GRM7: variants seen among roughly 807,000 people sequenced by gnomAD.
GRM7 encodes metabotropic glutamate receptor 7.
GRM7 carries 35 observed loss-of-function variants against 84.5 expected under a neutral mutation model. The ratio of observed to expected loss-of-function variants is 0.41; its 90% confidence interval spans 0.32 to 0.55. The LOEUF (loss-of-function observed/expected upper bound fraction) is 0.55, where lower values mean the gene tolerates loss of function less well. GRM7 is among the 20% of genes least tolerant of loss of function. The pLI, the probability that GRM7 is intolerant of heterozygous loss-of-function variation, is 0.19. For synonymous variants in GRM7, 487 were observed against 455.1 expected (o/e 1.07, Z -0.89); for missense variants, 1,003 against 1,194.6 (o/e 0.84, Z 2.36).
At chr3:7,516,257 C>G (rs982714563) in intron 7 of GRM7, among the ~76,000 whole-genome samples, 5 of 149,198 alleles carry the variant, frequency 3.4e-5, no homozygotes, top group African/African-American at 7.4e-5. Flanking sequence ...GCGGGCAGAT[C>G]ATAAGGTCAG....
rs190662773 is a variant in GRM7 at position 7,162,408 on chromosome 3, A to G, written c.736+15740A>G. On this transcript the variant is annotated intron_variant, in intron 2 of 9. Coordinates refer to ENST00000357716, the MANE Select transcript of GRM7 (RefSeq NM_000844.4). ...TAAAGTGTCCCAGAGACCAAGTAAA[A>G]AAGTGTTTAAAGAAGCAATGAAGAT... is the stretch of plus-strand genomic sequence containing the variant. Among the ~76,000 whole-genome samples, 464 of 152,278 alleles carry G rather than the reference A, an allele frequency of 3.0e-3. 1 individual carries two copies. The highest frequency in any genetic ancestry group is 5.5e-3 in the Non-Finnish European group (375 of 68,022).
intron 4 of GRM7, among the ~76,000 whole-genome samples, chr3:7,356,461 C>T (rs1360664803): frequency 6.6e-6 from 1 of 151,950 alleles, no homozygotes; most frequent in Non-Finnish European, 1.5e-5. Flanking sequence ...GCCACCACGC[C>T]TGGTTAATTT....
intron 1 of GRM7, among the ~76,000 whole-genome samples, chr3:7,099,239 T>C (rs1284063321): frequency 2.8e-5 from 3 of 109,084 alleles, no homozygotes; most frequent in Admixed American, 8.7e-5. Flanking sequence ...ATTATACATG[T>C]ATATATGAAT....
chr3:7,368,368 A>G (rs1047759746), intron 4 of GRM7, among the ~76,000 whole-genome samples: 2 of 152,128 alleles, frequency 1.3e-5, no homozygotes, highest in African/African-American at 4.8e-5. Flanking sequence ...TTAAATGTCA[A>G]GTTTATTTTT....
chr3:7,626,104 G>T, intron 8 of GRM7, among the ~76,000 whole-genome samples: 1 of 152,064 alleles, frequency 6.6e-6, no homozygotes, highest in South Asian at 2.1e-4. Flanking sequence ...CCGGAGGCCA[G>T]ACTGCAAAAG....
rs139758545 is a variant in GRM7, at chr3:7,418,653, G to A, written c.1174+3490G>A. Among the ~76,000 whole-genome samples, 531 of 152,226 alleles carry A rather than the reference G, an allele frequency of 3.5e-3. 6 individuals are homozygous for A. The highest frequency in any genetic ancestry group is 0.022 in the South Asian group (106 of 4,822). ...TGCTGCTGGCACAAAGACCAGTTTA[G>A]AGTATGACCTCTTTGGGAATAATAT... On this transcript the variant is annotated intron_variant, in intron 5 of 9. Coordinates refer to ENST00000357716, the MANE Select transcript of GRM7 (RefSeq NM_000844.4).
At chr3:7,559,622 C>G (rs1693923424) in intron 7 of GRM7, among the ~76,000 whole-genome samples, 1 of 152,060 alleles carries the variant, frequency 6.6e-6, no homozygotes, top group African/African-American at 2.4e-5. Context: ...TTTAAGCCAT[C>G]AATCACTCTA....
At chr3:7,086,885 A>G (rs1178586391) in intron 1 of GRM7, among the ~76,000 whole-genome samples, 1 of 152,206 alleles carries the variant, frequency 6.6e-6, no homozygotes, top group African/African-American at 2.4e-5. Flanking sequence ...GCTGTTGGCT[A>G]TAGTCAAATG....
intron 8 of GRM7, among the ~76,000 whole-genome samples, chr3:7,661,610 C>T (rs1274537316): frequency 1.3e-5 from 2 of 151,534 alleles, no homozygotes; most frequent in African/African-American, 4.8e-5. Flanking sequence ...CTGGCTTACA[C>T]GGTGAAACCC....
chr3:7,558,604 T>TA (rs1337126768), intron 7 of GRM7, among the ~76,000 whole-genome samples: 3 of 152,168 alleles, frequency 2.0e-5, no homozygotes, highest in Non-Finnish European at 4.4e-5. Flanking sequence ...ATTTCATTTT[T>TA]ATCCCAATAT....
chr3:7,665,588 G>C (rs1216566813), intron 8 of GRM7, among the ~76,000 whole-genome samples: 1 of 152,154 alleles, frequency 6.6e-6, no homozygotes, highest in Admixed American at 6.5e-5. Context: ...GAAATACTTA[G>C]AGCTGTTTGT....
chr3:7,054,751 TTCTC>T (rs921379271), intron 1 of GRM7, among the ~76,000 whole-genome samples: 5 of 151,764 alleles, frequency 3.3e-5, no homozygotes, highest in African/African-American at 7.3e-5. Context: ...GTCTCTCTCT[TTCTC>T]TCTCTCTACC....
intron 2 of GRM7, among the ~76,000 whole-genome samples, chr3:7,286,016 T>C (rs1699418872): frequency 6.6e-6 from 1 of 152,124 alleles, no homozygotes; most frequent in Non-Finnish European, 1.5e-5. Context: ...CTTTGATTTC[T>C]TTAACTCACA....
At chr3:7,340,245 T>C (rs1371199388) in intron 4 of GRM7, among the ~76,000 whole-genome samples, 1 of 152,130 alleles carries the variant, frequency 6.6e-6, no homozygotes, top group Non-Finnish European at 1.5e-5. Context: ...ACATATTGTA[T>C]TAGTTCGTTC....
chr3:7,455,646 A>C (rs1015147151), intron 6 of GRM7, among the ~76,000 whole-genome samples: 1 of 152,182 alleles, frequency 6.6e-6, no homozygotes, highest in Non-Finnish European at 1.5e-5. Context: ...ACTTTTCAAA[A>C]GTGTCCAGGT....
chr3:7,335,646 A>G (rs1023552479), intron 4 of GRM7, among the ~76,000 whole-genome samples: 2 of 152,026 alleles, frequency 1.3e-5, no homozygotes, highest in African/African-American at 2.4e-5. Flanking sequence ...AAGCAAAATC[A>G]ATAGACCATT....
rs151276447 is a variant in GRM7 at position 7,510,519 on chromosome 3, C to G, written c.1515+48797C>G. On this transcript the variant is annotated intron_variant, in intron 7 of 9. Transcript: ENST00000357716. ...GAATAGTGTTGGGGAACCTTGTAGC[C>G]AATCTCCTTTAGATACAAACAAATT... Among the ~76,000 whole-genome samples the G allele has an allele frequency of 6.8e-4, 103 of 152,156 alleles. 1 individual carries two copies. Among genetic ancestry groups the G allele is most frequent in the African/African-American group, 2.5e-3 (102 of 41,516 alleles).
At chr3:7,447,107 T>C (rs543934733) in intron 5 of GRM7, among the ~76,000 whole-genome samples, 1 of 152,300 alleles carries the variant, frequency 6.6e-6, no homozygotes, top group East Asian at 1.9e-4. Context: ...AAGCTTTGCA[T>C]ACTAGAGAGG....
intron 7 of GRM7, among the ~76,000 whole-genome samples, chr3:7,534,806 T>C (rs1701179593): frequency 6.6e-6 from 1 of 152,102 alleles, no homozygotes; most frequent in Non-Finnish European, 1.5e-5. Context: ...AATCCAGGGG[T>C]GTCACAGCTG....
Sources: allele counts gnomAD v4.1 joint callset (sites outside exome capture counted in the v4.1 genomes callset), GRCh38; gene constraint gnomAD v4.1.1; transcripts MANE v1.5; gene names NCBI Gene and HGNC (gene_info 2026-07-23, HGNC 2026-07-21).